The following ERG variants were observed in gnomAD, a reference collection of about 807,000 sequenced individuals.
The protein encoded by ERG is ETS transcription factor ERG, also known as transcriptional regulator ERG.
Under a neutral mutation model 55.3 loss-of-function variants are expected in ERG, and 9 were observed. The ratio of observed to expected loss-of-function variants is 0.16; its 90% confidence interval spans 0.10 to 0.28. The LOEUF (loss-of-function observed/expected upper bound fraction) is 0.28. Ranked by LOEUF, ERG falls within the 10% of genes least tolerant of loss-of-function variation. ERG has a pLI of 1.00. For synonymous variants in ERG, 223 were observed against 237.3 expected (o/e 0.94, Z 0.55); for missense variants, 434 against 631.6 (o/e 0.69, Z 3.35).
chr21:38,480,716 A>G (rs2059231435), intron 1 of ERG, among the ~76,000 whole-genome samples: 1 of 149,250 alleles, frequency 6.7e-6, no homozygotes, highest in African/African-American at 2.5e-5. Context: ...TTTTCAAAGT[A>G]ATACTAATTT....
At chr21:38,456,660 T>G (rs2058992467) in intron 1 of ERG, among the ~76,000 whole-genome samples, 1 of 152,230 alleles carries the variant, frequency 6.6e-6, no homozygotes, top group African/African-American at 2.4e-5. Context: ...GTTTTCTTTT[T>G]CTTAGACGCT....
At chr21:38,553,866 A>G (rs948511318) in intron 2 of ERG, among the ~76,000 whole-genome samples, 2 of 134,320 alleles carry the variant, frequency 1.5e-5, no homozygotes, top group Non-Finnish European at 3.5e-5. Context: ...TGCACAGCAA[A>G]AGAAACTATC....
chr21:38,451,285 G>A, intron 1 of ERG: 6 of 470,190 alleles, frequency 1.3e-5, no homozygotes, highest in South Asian at 9.2e-5. Flanking sequence ...TCTTCTATGA[G>A]CCTAGGGGAT....
At chr21:38,505,315 C>T (rs80208476) in intron 2 of ERG, among the ~76,000 whole-genome samples, 3,307 of 152,300 alleles carry the variant, frequency 0.022, 56 homozygotes, top group Non-Finnish European at 0.033. Context: ...CACATGGTAT[C>T]CTCTCCACCT....
chr21:38,567,076 G>T (rs966350490), intron 2 of ERG, among the ~76,000 whole-genome samples: 1 of 152,064 alleles, frequency 6.6e-6, no homozygotes, highest in Non-Finnish European at 1.5e-5. Flanking sequence ...GCCAGACTGG[G>T]GGGGGGATTG....
rs113172570 is a variant in ERG, at chr21:38,625,248, G to A, written c.-150+36410C>T. ...AGAATACTCATCTTCAGCATTACAGGCTTGTGATGGAAGAATACAAAATTT... is the reference window on the plus strand; with the variant it reads ...AGAATACTCATCTTCAGCATTACAGACTTGTGATGGAAGAATACAAAATTT... On this transcript the variant is annotated intron_variant, in intron 1 of 10. Transcript: ENST00000398910. Among the ~76,000 whole-genome samples, 269 of 152,182 alleles carry A rather than the reference G, an allele frequency of 1.8e-3. 1 individual carries two copies. Among genetic ancestry groups the A allele is most frequent in the African/African-American group, 6.0e-3 (248 of 41,514 alleles).
At chr21:38,425,619 T>G (rs1989784540) in intron 2 of ERG, among the ~76,000 whole-genome samples, 1 of 152,214 alleles carries the variant, frequency 6.6e-6, no homozygotes, top group Non-Finnish European at 1.5e-5. Flanking sequence ...ATGCATACAT[T>G]TTTTTCATAT....
intron 1 of ERG, among the ~76,000 whole-genome samples, chr21:38,649,912 C>T (rs1016400154): frequency 9.9e-5 from 15 of 152,210 alleles, no homozygotes; most frequent in Admixed American, 3.3e-4. Context: ...TAATGCTAGA[C>T]GCGAGAACAC....
In ERG at chr21:38,383,175, A is replaced by C; in HGVS notation, c.*228T>G. On this transcript the variant is annotated 3_prime_UTR_variant, in exon 10 of 10. Coordinates refer to ENST00000288319, the MANE Select transcript of ERG (RefSeq NM_182918.4). This position sits in a 1 kb window ranked among gnomAD's most constrained non-coding sequence, Gnocchi z 5.7. ...ACTGTCTTTTACAAGGTCAGTCCAC[A>C]GATGATATGTCCATATTCGTGACAT... The C allele has an allele frequency of 8.0e-7, 1 of 1,255,248 alleles. No homozygotes were observed. Among genetic ancestry groups the C allele is most frequent in the Non-Finnish European group, 1.0e-6 (1 of 1,000,394 alleles). The allele number at this position is 1,255,248 out of a possible 1,614,324, so 77.8% of individuals were successfully genotyped here.
intron 2 of ERG, among the ~76,000 whole-genome samples, chr21:38,567,714 C>T (rs1177815284): frequency 2.0e-5 from 3 of 152,202 alleles, no homozygotes; most frequent in Non-Finnish European, 4.4e-5. Flanking sequence ...CTTTTGTCAG[C>T]CAGTGGGGGC....
At position 38,577,537 on chromosome 21, in the gene ERG, G is replaced by A. The variant is rs138537509; in HGVS notation, c.-126-1790C>T. Among the ~76,000 whole-genome samples the A allele has an allele frequency of 1.1e-4, 17 of 152,256 alleles. No homozygotes were observed. The East Asian group carries it at 3.3e-3, about 29-fold the overall frequency. ...GAAGTGCAGTCCTGAAATTGAACCG[G>A]GAAGCAGATGAAGGTGACCAGGCTC... On this transcript the variant is annotated intron_variant, in intron 1 of 8. Transcript: ENST00000398897.
rs13051140 is a variant in ERG, at chr21:38,429,652, T to G, written c.237-6091A>C. Among the ~76,000 whole-genome samples, 96 of 24,398 alleles carry G rather than the reference T, an allele frequency of 3.9e-3. 2 individuals are homozygous for G. Among genetic ancestry groups the G allele is most frequent in the Non-Finnish European group, 8.0e-3 (71 of 8,894 alleles). The allele number at this position is 24,398 out of a possible 152,430, so 16.0% of individuals were successfully genotyped here. Reference sequence around the variant, plus strand: ...GTGTATATATACATGTATACACATGTACATATATACATATATGTGTATATA... The same window carrying G: ...GTGTATATATACATGTATACACATGGACATATATACATATATGTGTATATA... On this transcript the variant is annotated intron_variant, in intron 2 of 9. Coordinates refer to ENST00000288319, the MANE Select transcript of ERG (RefSeq NM_182918.4).
intron 2 of ERG, among the ~76,000 whole-genome samples, chr21:38,539,942 G>C (rs1299627586): frequency 6.8e-6 from 1 of 147,178 alleles, no homozygotes; most frequent in Non-Finnish European, 1.5e-5. Context: ...TGTCGCCCAG[G>C]CTGGAGTACA....
intron 1 of ERG, among the ~76,000 whole-genome samples, chr21:38,635,371 G>C (rs1001559647): frequency 6.6e-6 from 1 of 151,952 alleles, no homozygotes; most frequent in Non-Finnish European, 1.5e-5. Context: ...ATAGACTTTA[G>C]GTGATAATGA....
intron 2 of ERG, among the ~76,000 whole-genome samples, chr21:38,439,582 G>T (rs978815992): frequency 6.6e-6 from 1 of 152,176 alleles, no homozygotes; most frequent in Non-Finnish European, 1.5e-5. Context: ...GTGGACCACC[G>T]AAGCTGAAAA....
chr21:38,475,677 CACCTGGCTCT>C (rs2059180736), intron 1 of ERG, among the ~76,000 whole-genome samples: 1 of 152,208 alleles, frequency 6.6e-6, no homozygotes, highest in Non-Finnish European at 1.5e-5. Flanking sequence ...GCCCCCCGGC[CACCTGGCTCT>C]ATCATGTTCC....
At chr21:38,520,486 C>A (rs1354316339) in intron 2 of ERG, among the ~76,000 whole-genome samples, 2 of 152,190 alleles carry the variant, frequency 1.3e-5, no homozygotes, top group Admixed American at 6.5e-5. Context: ...AGAGCCAGAT[C>A]CTACTGAGGA....
chr21:38,564,577 C>T (rs1568916228), intron 2 of ERG, among the ~76,000 whole-genome samples: 1 of 150,948 alleles, frequency 6.6e-6, no homozygotes, highest in Non-Finnish European at 1.5e-5. Flanking sequence ...TGCACTTCTT[C>T]TCTCTCTCTC....
At chr21:38,525,984 C>T (rs909985667) in intron 2 of ERG, among the ~76,000 whole-genome samples, 4 of 152,156 alleles carry the variant, frequency 2.6e-5, no homozygotes, top group African/African-American at 9.7e-5. Flanking sequence ...CTTTTTCTGA[C>T]TATTGTTGGG....
Sources: gnomAD v4.1 joint callset for allele counts (sites outside exome capture counted in the v4.1 genomes callset) on GRCh38, gnomAD v4.1.1 for gene constraint, Gnocchi (gnomAD v3.1) non-coding constraint, MANE v1.5 for transcripts, NCBI Gene and HGNC (gene_info 2026-07-23, HGNC 2026-07-21) for gene names.